PPP2R5D: variants seen among roughly 807,000 people sequenced by gnomAD.
The protein encoded by PPP2R5D is protein phosphatase 2 regulatory subunit B'delta.
In PPP2R5D, 12 loss-of-function variants were observed where a neutral mutation model predicts 79.1. The ratio of observed to expected loss-of-function variants is 0.15; its 90% CI spans 0.10 to 0.25. The LOEUF is 0.25. Ranked by LOEUF, PPP2R5D falls within the 10% of genes least tolerant of loss-of-function variation. The pLI is 1.00. For missense variants in PPP2R5D, 419 were observed against 760.2 expected (o/e 0.55, Z 5.28); for synonymous variants, 277 against 286.6 (o/e 0.97, Z 0.34).
At chr6:42,999,775 C>T (rs1772046125) in intron 2 of PPP2R5D, among the ~76,000 whole-genome samples, 2 of 151,968 alleles carry the variant, frequency 1.3e-5, no homozygotes, top group Admixed American at 1.3e-4. Context: ...CTATGTTGGC[C>T]AGGCTGGTCT....
chr6:43,011,503 G>A lies in PPP2R5D; in HGVS notation c.*217G>A. ...TGCCTCCCTGTGGCTAGTACAGGCT[G>A]AGCACTAAGATGCTTAGTGCTCAGA... On this transcript the variant is annotated 3_prime_UTR_variant, in exon 16 of 16. Coordinates refer to ENST00000485511, the MANE Select transcript of PPP2R5D (RefSeq NM_006245.4). 1 of 621,540 alleles carries A rather than the reference G, an allele frequency of 1.6e-6. No homozygotes were observed. Among genetic ancestry groups the A allele is most frequent in the Non-Finnish European group, 2.8e-6 (1 of 362,422 alleles). The allele number at this position is 621,540 out of a possible 1,614,324, so 38.5% of individuals were successfully genotyped here. A position where few individuals can be genotyped will look rare whatever the true frequency, so the allele number is the denominator to read the frequency against.
In PPP2R5D at chr6:43,008,977, G is replaced by T. The variant is rs1425773101; in HGVS notation, c.1081-80G>T. ...CCAAACTGTGCCCACCAGGGTGGGGGAGAGAGCAGGTAGGAAAACTTCCTG... is the reference window on the plus strand; with the variant it reads ...CCAAACTGTGCCCACCAGGGTGGGGTAGAGAGCAGGTAGGAAAACTTCCTG... On this transcript the variant is annotated intron_variant, in intron 10 of 15. Coordinates refer to ENST00000485511, the MANE Select transcript of PPP2R5D (RefSeq NM_006245.4). This position sits in a 1 kb window ranked among gnomAD's most constrained non-coding sequence, Gnocchi z 4.2. 3 of 1,511,194 alleles carry T rather than the reference G, an allele frequency of 2.0e-6. No individual in the cohort carries two copies. The highest frequency in any genetic ancestry group is 9.1e-7 in the Non-Finnish European group (1 of 1,104,684). 93.6% of individuals were successfully genotyped at this position (1,511,194 alleles called of 1,614,324 possible).
chr6:42,990,110 C>T (rs921730934), intron 2 of PPP2R5D, among the ~76,000 whole-genome samples: 1 of 152,126 alleles, frequency 6.6e-6, no homozygotes, highest in Non-Finnish European at 1.5e-5. Flanking sequence ...CCAGCTGGGC[C>T]CACTGCCCTT....
At chr6:42,998,534 A>G (rs951369341) in intron 2 of PPP2R5D, among the ~76,000 whole-genome samples, 4 of 152,044 alleles carry the variant, frequency 2.6e-5, no homozygotes, top group African/African-American at 9.7e-5. Context: ...TTCTTGGAGT[A>G]TGGATCCTGT....
At chr6:42,989,565 C>T in intron 1 of PPP2R5D, 46 bp from the exon 2 acceptor site, 2 of 1,486,528 alleles carry the variant, frequency 1.3e-6, no homozygotes, top group Non-Finnish European at 1.9e-6. Flanking sequence ...AAGACCTCTC[C>T]CTTCTCCTGG....
rs1234060598 is a variant in PPP2R5D, at chr6:43,010,257, T to C, written c.1380-211T>C. ...ATGGGGTGAGGGAAGGATGGACAGG[T>C]GGACCGATATTTGTGAAAACCATGA... On this transcript the variant is annotated intron_variant, in intron 12 of 15. Coordinates refer to ENST00000485511, the MANE Select transcript of PPP2R5D (RefSeq NM_006245.4). This position sits in a 1 kb window ranked among gnomAD's most constrained non-coding sequence, Gnocchi z 4.7. Among the ~76,000 whole-genome samples the C allele has an allele frequency of 6.6e-6, 1 of 152,044 alleles. No individual in the cohort carries two copies. The highest frequency in any genetic ancestry group is 1.5e-5 in the Non-Finnish European group (1 of 68,000).
chr6:42,994,182 T>C (rs61570925), intron 2 of PPP2R5D, among the ~76,000 whole-genome samples: 44,410 of 152,022 alleles, frequency 0.29, 10,720 homozygotes, highest in African/African-American at 0.66. Flanking sequence ...TCCAGCTACT[T>C]GGGAGACTGA....
At position 43,011,403 on chromosome 6, in the gene PPP2R5D, T is replaced by A. The variant is rs149207848; in HGVS notation, c.*117T>A. On this transcript the variant is annotated 3_prime_UTR_variant, in exon 16 of 16. Transcript: ENST00000485511. ...GGGAAGGCAGCGCCTCTCTAGCTACTCAAGGGAGGGGGATGTGGGCACTTG... is the reference window on the plus strand; with the variant it reads ...GGGAAGGCAGCGCCTCTCTAGCTACACAAGGGAGGGGGATGTGGGCACTTG... 584 of 1,374,296 alleles carry A rather than the reference T, an allele frequency of 4.2e-4. 1 individual carries two copies. In the African/African-American group the frequency reaches 7.6e-3, roughly 18 times the overall value. The allele number at this position is 1,374,296 out of a possible 1,614,324, so 85.1% of individuals were successfully genotyped here.
rs370643805 is a variant in PPP2R5D, at chr6:43,010,838, C to T, written c.1555-43C>T. ...ATATGGGGCACACAGGCCCCCAAGCCTCTGAAGTGGCTCTTAACGCTTGTC... is the reference window on the plus strand; with the variant it reads ...ATATGGGGCACACAGGCCCCCAAGCTTCTGAAGTGGCTCTTAACGCTTGTC... On this transcript the variant is annotated intron_variant, in intron 14 of 15. Coordinates refer to ENST00000485511, the MANE Select transcript of PPP2R5D (RefSeq NM_006245.4). The surrounding 1 kb of genome is among the most constrained non-coding windows in gnomAD (Gnocchi z 4.7). 3.7e-6 allele frequency: 6 copies of T among 1,603,498 alleles called. No individual in the cohort carries two copies. In the South Asian group the frequency reaches 5.5e-5, roughly 15 times the overall value.
At position 43,009,149 on chromosome 6, in the gene PPP2R5D, T is replaced by C; in HGVS notation, c.1173T>C (p.Ile391=). The C allele has an allele frequency of 6.2e-7, 1 of 1,614,146 alleles. No homozygotes were observed. Among genetic ancestry groups the C allele is most frequent in the Non-Finnish European group, 8.5e-7 (1 of 1,180,020 alleles). ...LNELEEILDV[I]EPSEFSKVME... is the part of the protein sequence containing the mutation. ...AGCTGGAGGAGATTCTGGACGTCAT[T>C]GAACCTTCTGAGTTCAGCAAAGTGA... Residue 391 remains isoleucine (I), a synonymous_variant, in exon 11 of 16, where the codon ATT becomes ATC. Transcript: ENST00000485511. This position sits in a 1 kb window ranked among gnomAD's most constrained non-coding sequence, Gnocchi z 5.6.
rs1762347218 is a variant in PPP2R5D at position 43,011,435 on chromosome 6, G to A, written c.*149G>A. ...AGGGGGATGTGGGCACTTGAAGCAG[G>A]GACACCCACAGAATGGTCCCTCTTC... is the stretch of plus-strand genomic sequence containing the variant. On this transcript the variant is annotated 3_prime_UTR_variant, in exon 16 of 16. Transcript: ENST00000485511. The A allele has an allele frequency of 2.8e-6, 3 of 1,083,434 alleles. No individual in the cohort carries two copies. Among genetic ancestry groups the A allele is most frequent in the Non-Finnish European group, 3.9e-6 (3 of 766,572 alleles). The allele number at this position is 1,083,434 out of a possible 1,614,324, so 67.1% of individuals were successfully genotyped here. A position where few individuals can be genotyped will look rare whatever the true frequency, so the allele number is the denominator to read the frequency against.
At chr6:42,994,900 G>C (rs1471031613) in intron 2 of PPP2R5D, among the ~76,000 whole-genome samples, 1 of 151,938 alleles carries the variant, frequency 6.6e-6, no homozygotes, top group African/African-American at 2.4e-5. Context: ...GACAGAGGGA[G>C]GAATAAATTT....
intron 2 of PPP2R5D, among the ~76,000 whole-genome samples, chr6:42,999,820 C>A (rs1772049584): frequency 6.6e-6 from 1 of 152,034 alleles, no homozygotes; most frequent in Admixed American, 6.6e-5. Context: ...CTCGGCCTCC[C>A]AAAGAGCTGG....
chr6:43,008,932 G>T lies in PPP2R5D; in HGVS notation c.1081-125G>T. On this transcript the variant is annotated intron_variant, in intron 10 of 15. Coordinates refer to ENST00000485511, the MANE Select transcript of PPP2R5D (RefSeq NM_006245.4). This position sits in a 1 kb window ranked among gnomAD's most constrained non-coding sequence, Gnocchi z 4.2. Reference sequence around the variant, plus strand: ...GGAAACAGATCCAAGGCAAAGAAACGGGTAGCTGGCTGAGATCACCCAAAC... The same window carrying T: ...GGAAACAGATCCAAGGCAAAGAAACTGGTAGCTGGCTGAGATCACCCAAAC... The T allele has an allele frequency of 7.7e-7, 1 of 1,304,166 alleles. No individual in the cohort carries two copies. The highest frequency in any genetic ancestry group is 1.1e-6 in the Non-Finnish European group (1 of 934,162). 80.8% of individuals were successfully genotyped at this position (1,304,166 alleles called of 1,614,324 possible).
Position 43,010,416 on chromosome 6 carries a change from C to G in PPP2R5D, c.1380-52C>G. 4.0e-6 allele frequency: 6 copies of G among 1,518,168 alleles called. No homozygotes were observed. Among genetic ancestry groups the G allele is most frequent in the Non-Finnish European group, 5.5e-6 (6 of 1,094,202 alleles). 94.0% of individuals were successfully genotyped at this position (1,518,168 alleles called of 1,614,324 possible). A position where few individuals can be genotyped will look rare whatever the true frequency, so the allele number is the denominator to read the frequency against. On this transcript the variant is annotated intron_variant, in intron 12 of 15. Coordinates refer to ENST00000485511, the MANE Select transcript of PPP2R5D (RefSeq NM_006245.4). This position sits in a 1 kb window ranked among gnomAD's most constrained non-coding sequence, Gnocchi z 4.7. ...GTGAGAGAACAAATTGGGTTCCTCA[C>G]GCTAAGGGCAGGCTCTGGCCTCCTA...
At chr6:43,004,479 C>T (rs1259086112) in intron 2 of PPP2R5D, among the ~76,000 whole-genome samples, 1 of 151,714 alleles carries the variant, frequency 6.6e-6, no homozygotes, top group Admixed American at 6.6e-5. Flanking sequence ...TTAGCTCTTT[C>T]CTCATTAGAT....
intron 2 of PPP2R5D, among the ~76,000 whole-genome samples, chr6:42,991,701 T>C (rs1771277167): frequency 2.0e-5 from 3 of 152,196 alleles, no homozygotes; most frequent in Non-Finnish European, 4.4e-5. Context: ...TGCACCAATT[T>C]CACATTAGAG....
intron 2 of PPP2R5D, among the ~76,000 whole-genome samples, chr6:42,993,678 C>G (rs1463819541): frequency 6.6e-6 from 1 of 152,226 alleles, no homozygotes; most frequent in Non-Finnish European, 1.5e-5. Flanking sequence ...TCTGTCTTCA[C>G]ACAGCATTCT....
intron 2 of PPP2R5D, among the ~76,000 whole-genome samples, chr6:42,997,959 G>A (rs1771824511): frequency 7.2e-6 from 1 of 139,424 alleles, no homozygotes; most frequent in African/African-American, 2.7e-5. Context: ...TTACAGACGT[G>A]AGCCGCCATG....
Sources: allele counts gnomAD v4.1 joint callset (sites outside exome capture counted in the v4.1 genomes callset), GRCh38; gene constraint gnomAD v4.1.1; non-coding constraint Gnocchi (gnomAD v3.1); transcripts MANE v1.5; gene names NCBI Gene and HGNC (gene_info 2026-07-23, HGNC 2026-07-21).